Variants in MFSD6 observed in about 807,000 individuals in gnomAD.
The protein encoded by MFSD6 is major facilitator superfamily domain containing 6.
In MFSD6, 26 loss-of-function variants were observed where a neutral mutation model predicts 56.3. That is an observed-to-expected ratio of 0.46 (90% CI 0.34 to 0.64). The LOEUF is 0.64. Ranked by LOEUF, MFSD6 falls within the 30% of genes least tolerant of loss-of-function variation. The pLI, the probability that MFSD6 is intolerant of heterozygous loss-of-function variation, is 0.01. For synonymous variants in MFSD6, 331 were observed against 366.9 expected (o/e 0.90, Z 1.12); for missense variants, 750 against 986.2 (o/e 0.76, Z 3.21).
rs141689643 is a variant in MFSD6 at position 190,490,263 on chromosome 2, TAAAAA to T, written c.1891+407_1891+411del. Among the ~76,000 whole-genome samples the T allele has an allele frequency of 6.9e-6, 1 of 144,054 alleles. No homozygotes were observed. Among genetic ancestry groups the T allele is most frequent in the Non-Finnish European group, 1.5e-5 (1 of 65,814 alleles). The allele number at this position is 144,054 out of a possible 152,430, so 94.5% of individuals were successfully genotyped here. A position where few individuals can be genotyped will look rare whatever the true frequency, so the allele number is the denominator to read the frequency against. Reference sequence around the variant, plus strand: ...TTCTCTATGACTTACCTTCATTTGTTAAAAAAAAAAAAAACAATGGCCGGGTGCAG... The same window carrying T: ...TTCTCTATGACTTACCTTCATTTGTTAAAAAAAAACAATGGCCGGGTGCAG... On this transcript the variant is annotated intron_variant, in intron 6 of 7. Coordinates refer to ENST00000392328, the MANE Select transcript of MFSD6 (RefSeq NM_017694.4). The surrounding 1 kb of genome is among the most constrained non-coding windows in gnomAD (Gnocchi z 4.5).
Position 190,488,048 on chromosome 2 carries a change from G to A in MFSD6, c.1631-609G>A, listed in dbSNP as rs549776782. Among the ~76,000 whole-genome samples the A allele has an allele frequency of 1.5e-4, 23 of 152,180 alleles. No individual in the cohort carries two copies. Among genetic ancestry groups the A allele is most frequent in the South Asian group, 6.2e-4 (3 of 4,818 alleles). On this transcript the variant is annotated intron_variant, in intron 4 of 7. Transcript: ENST00000392328. This position sits in a 1 kb window ranked among gnomAD's most constrained non-coding sequence, Gnocchi z 6.4. ...CTCCCGAGTAGCTGGGACTATAGGC[G>A]TGCACCACCACGCCAGGCTAATTTT... is the stretch of plus-strand genomic sequence containing the variant.
chr2:190,500,833 T>C lies in MFSD6; in HGVS notation c.*615T>C, dbSNP rs1689990297. The C allele has an allele frequency of 6.6e-6, 1 of 152,482 alleles. No homozygotes were observed. Among genetic ancestry groups the C allele is most frequent in the South Asian group, 2.1e-4 (1 of 4,840 alleles). The allele number at this position is 152,482 out of a possible 1,614,324, so 9.4% of individuals were successfully genotyped here. On this transcript the variant is annotated 3_prime_UTR_variant, in exon 8 of 8. Transcript: ENST00000392328. This position sits in a 1 kb window ranked among gnomAD's most constrained non-coding sequence, Gnocchi z 5.3. ...TATCTTTAGCAAATATATTTTTATA[T>C]GTGTATGGCATATAATGGAAATAAT...
chr2:190,490,926 TCTTA>T lies in MFSD6; in HGVS notation c.1891+1064_1891+1067del, dbSNP rs1689309500. On this transcript the variant is annotated intron_variant, in intron 6 of 7. Transcript: ENST00000392328. This position sits in a 1 kb window ranked among gnomAD's most constrained non-coding sequence, Gnocchi z 4.5. The stretch of plus-strand genomic sequence containing the variant: ...ACTCAGAAAGAGCAATACTGTTTTT[TCTTA>T]CTTTTGTTCTTTTATAATCCTAAAT... Among the ~76,000 whole-genome samples, 1 of 152,224 alleles carries T rather than the reference TCTTA, an allele frequency of 6.6e-6. No individual in the cohort carries two copies. The highest frequency in any genetic ancestry group is 2.4e-5 in the African/African-American group (1 of 41,454).
rs113559671 is a variant in MFSD6, at chr2:190,496,988, A to C, written c.1892-451A>C. Among the ~76,000 whole-genome samples, 1 of 152,194 alleles carries C rather than the reference A, an allele frequency of 6.6e-6. No homozygotes were observed. Among genetic ancestry groups the C allele is most frequent in the African/African-American group, 2.4e-5 (1 of 41,456 alleles). On this transcript the variant is annotated intron_variant, in intron 6 of 7. Coordinates refer to ENST00000392328, the MANE Select transcript of MFSD6 (RefSeq NM_017694.4). This position sits in a 1 kb window ranked among gnomAD's most constrained non-coding sequence, Gnocchi z 4.7. Reference sequence around the variant, plus strand: ...TACTGCTTGGGTGATGGTTGCACCAAAATCTCACAAATCACCATTAGAGAA... The same window carrying C: ...TACTGCTTGGGTGATGGTTGCACCACAATCTCACAAATCACCATTAGAGAA...
intron 4 of MFSD6, among the ~76,000 whole-genome samples, chr2:190,483,311 A>G (rs1358914236): frequency 6.6e-6 from 1 of 152,210 alleles, no homozygotes; most frequent in South Asian, 2.1e-4. Flanking sequence ...GAGAACATAT[A>G]GTGTAATATT....
intron 4 of MFSD6, among the ~76,000 whole-genome samples, chr2:190,481,115 G>A (rs1688639020): frequency 6.6e-6 from 1 of 152,172 alleles, no homozygotes; most frequent in South Asian, 2.1e-4. Flanking sequence ...GGCTTCAGGT[G>A]GGAAAACACT....
rs900888107 is a variant in MFSD6, at chr2:190,424,131, A to G, written c.-54+8718A>G. Among the ~76,000 whole-genome samples the G allele has an allele frequency of 6.6e-6, 1 of 152,034 alleles. No individual in the cohort carries two copies. Among genetic ancestry groups the G allele is most frequent in the African/African-American group, 2.4e-5 (1 of 41,404 alleles). ...GAGTCTTTTAAAGAGCAAAAGTTTTAAATTTTAATGAAGTCTAACATTAGT... is the reference window on the plus strand; with the variant it reads ...GAGTCTTTTAAAGAGCAAAAGTTTTGAATTTTAATGAAGTCTAACATTAGT... On this transcript the variant is annotated intron_variant, in intron 2 of 7. Coordinates refer to ENST00000392328, the MANE Select transcript of MFSD6 (RefSeq NM_017694.4). This position sits in a 1 kb window ranked among gnomAD's most constrained non-coding sequence, Gnocchi z 5.9.
At chr2:190,444,724 G>T (rs1415719645) in intron 3 of MFSD6, 1 of 167,102 alleles carries the variant, frequency 6.0e-6, no homozygotes, top group African/African-American at 2.4e-5. Context: ...TTCTACAGGG[G>T]TTAGAATTTA....
At chr2:190,453,196 T>C (rs1033324354) in intron 3 of MFSD6, among the ~76,000 whole-genome samples, 1 of 151,980 alleles carries the variant, frequency 6.6e-6, no homozygotes, top group African/African-American at 2.4e-5. Context: ...CTTGCATAGC[T>C]GGAATGAAGG....
At position 190,410,913 on chromosome 2, in the gene MFSD6, G is replaced by T. The variant is rs751589373; in HGVS notation, c.-176+2410G>T. ...TGTAATAAAAATACAAAAATTAGCT[G>T]AGCGTGGTGGCGGGCGCCTGGAATC... On this transcript the variant is annotated intron_variant, in intron 1 of 7. Coordinates refer to ENST00000392328, the MANE Select transcript of MFSD6 (RefSeq NM_017694.4). This position sits in a 1 kb window ranked among gnomAD's most constrained non-coding sequence, Gnocchi z 4.4. Among the ~76,000 whole-genome samples the T allele has an allele frequency of 2.0e-5, 3 of 151,856 alleles. No individual in the cohort carries two copies. Among genetic ancestry groups the T allele is most frequent in the African/African-American group, 7.3e-5 (3 of 41,370 alleles).
intron 3 of MFSD6, among the ~76,000 whole-genome samples, chr2:190,441,560 G>T (rs1189038428): frequency 6.6e-6 from 1 of 152,044 alleles, no homozygotes; most frequent in Non-Finnish European, 1.5e-5. Context: ...ATTTGGAGAT[G>T]GTTCCCTCTA....
rs1241105369 is a variant in MFSD6, at chr2:190,418,535, C to T, written c.-54+3122C>T. ...CTTTAGGAGGCTGAGGCAAATGGAT[C>T]ACTTGAGCCCAGGAGTTCAAGACCA... On this transcript the variant is annotated intron_variant, in intron 2 of 7. Transcript: ENST00000392328. This position sits in a 1 kb window ranked among gnomAD's most constrained non-coding sequence, Gnocchi z 4.1. Among the ~76,000 whole-genome samples, 1 of 152,044 alleles carries T rather than the reference C, an allele frequency of 6.6e-6. No homozygotes were observed. The highest frequency in any genetic ancestry group is 1.5e-5 in the Non-Finnish European group (1 of 68,024).
chr2:190,449,616 A>C (rs2125083460), intron 3 of MFSD6, among the ~76,000 whole-genome samples: 1 of 152,318 alleles, frequency 6.6e-6, no homozygotes, highest in African/African-American at 2.4e-5. Flanking sequence ...GAACCAACCC[A>C]AATGTCCAAC....
At position 190,463,983 on chromosome 2, in the gene MFSD6, T is replaced by C. The variant is rs1687467677; in HGVS notation, c.1533-5775T>C. 1 of 762,834 alleles carries C rather than the reference T, an allele frequency of 1.3e-6. No individual in the cohort carries two copies. Among genetic ancestry groups the C allele is most frequent in the Admixed American group, 6.3e-5 (1 of 15,984 alleles). 47.3% of individuals were successfully genotyped at this position (762,834 alleles called of 1,614,324 possible). A position where few individuals can be genotyped will look rare whatever the true frequency, so the allele number is the denominator to read the frequency against. ...GGATCTGGTGTCAACAACCAGCTCTTTTCATTAGGAAATCTAGTAAAAACT... is the reference window on the plus strand; with the variant it reads ...GGATCTGGTGTCAACAACCAGCTCTCTTCATTAGGAAATCTAGTAAAAACT... On this transcript the variant is annotated intron_variant, in intron 3 of 7. Transcript: ENST00000392328. This position sits in a 1 kb window ranked among gnomAD's most constrained non-coding sequence, Gnocchi z 4.4.
At position 190,415,345 on chromosome 2, in the gene MFSD6, A is replaced by G. The variant is rs563442704; in HGVS notation, c.-122A>G. On this transcript the variant is annotated 5_prime_UTR_variant, in exon 2 of 8. Coordinates refer to ENST00000392328, the MANE Select transcript of MFSD6 (RefSeq NM_017694.4). The surrounding 1 kb of genome is among the most constrained non-coding windows in gnomAD (Gnocchi z 4.5). ...GAGTGCAGTGGCGTGATCCTAGCTC[A>G]CTGCAGCCTTGAACCCCTGGGCTCA... 8 of 152,220 alleles carry G rather than the reference A, an allele frequency of 5.3e-5. No individual in the cohort carries two copies. The highest frequency in any genetic ancestry group is 3.3e-4 in the Admixed American group (5 of 15,296). 9.4% of individuals were successfully genotyped at this position (152,220 alleles called of 1,614,324 possible). A position where few individuals can be genotyped will look rare whatever the true frequency, so the allele number is the denominator to read the frequency against.
Position 190,438,214 on chromosome 2 carries a change from A to AT in MFSD6, c.1532+654dup, listed in dbSNP as rs964311192. On this transcript the variant is annotated intron_variant, in intron 3 of 7. Coordinates refer to ENST00000392328, the MANE Select transcript of MFSD6 (RefSeq NM_017694.4). This position sits in a 1 kb window ranked among gnomAD's most constrained non-coding sequence, Gnocchi z 5.2. ...AATTTCCCATGTAATTCTTTTAGTT[A>AT]TAAAAAAAAAAATCTATAGGCTGGG... 4.5e-4 allele frequency among the ~76,000 whole-genome samples: 11 copies of AT among 24,226 alleles called. No individual in the cohort carries two copies. Among genetic ancestry groups the AT allele is most frequent in the Middle Eastern group, 0.01 (1 of 98 alleles). 15.9% of individuals were successfully genotyped at this position (24,226 alleles called of 152,430 possible).
chr2:190,449,489 A>G (rs1275823333), intron 3 of MFSD6, among the ~76,000 whole-genome samples: 2 of 152,144 alleles, frequency 1.3e-5, no homozygotes, highest in Non-Finnish European at 2.9e-5. Context: ...AAAAAAATTA[A>G]TATCAAACTG....
rs1292667088 is a variant in MFSD6 at position 190,433,343 on chromosome 2, G to A, written c.-53-2634G>A. The stretch of plus-strand genomic sequence containing the variant: ...TCTTTTCAGATGATGAAATGGAATT[G>A]GAGCCGCTGAGCTGGATAGGTGAAG... On this transcript the variant is annotated intron_variant, in intron 2 of 7. Coordinates refer to ENST00000392328, the MANE Select transcript of MFSD6 (RefSeq NM_017694.4). The surrounding 1 kb of genome is among the most constrained non-coding windows in gnomAD (Gnocchi z 4.5). The A allele has an allele frequency of 6.6e-6, 1 of 152,178 alleles. No individual in the cohort carries two copies. The highest frequency in any genetic ancestry group is 1.5e-5 in the Non-Finnish European group (1 of 68,020). The allele number at this position is 152,178 out of a possible 1,614,324, so 9.4% of individuals were successfully genotyped here.
chr2:190,430,997 T>G (rs1471948346), intron 2 of MFSD6, among the ~76,000 whole-genome samples: 4 of 142,044 alleles, frequency 2.8e-5, no homozygotes, highest in African/African-American at 1.1e-4. Context: ...ATGGGGCAGC[T>G]GGGCAGAGAC....
Sources: allele counts gnomAD v4.1 joint callset (sites outside exome capture counted in the v4.1 genomes callset), GRCh38; gene constraint gnomAD v4.1.1; non-coding constraint Gnocchi (gnomAD v3.1); transcripts MANE v1.5; gene names NCBI Gene and HGNC (gene_info 2026-07-23, HGNC 2026-07-21).